The following SLC28A2 variants were observed in gnomAD, a reference collection of about 807,000 sequenced individuals.
SLC28A2 encodes the protein solute carrier family 28 member 2.
In SLC28A2, 69 loss-of-function variants were observed where a neutral mutation model predicts 72.9. The ratio of observed to expected loss-of-function variants is 0.95; its 90% CI spans 0.78 to 1.16. SLC28A2 has a LOEUF of 1.16. SLC28A2 is among the 50% of genes most tolerant of loss of function. SLC28A2 has a pLI of 0.00. For missense variants in SLC28A2, 745 were observed against 791.1 expected, an observed-to-expected ratio of 0.94 and a Z score of 0.70; for synonymous variants, 296 against 294.1, an observed-to-expected ratio of 1.01 and a Z score of -0.07.
Position 45,270,369 on chromosome 15 carries a change from C to A in SLC28A2, c.1648+93C>A, listed in dbSNP as rs989004082. On this transcript the variant is annotated intron_variant, in intron 15 of 17. Transcript: ENST00000347644. ...CTGGTGCTTCAGTACAAGCTGGGAT[C>A]AGATAGAGAAGCCATTGTGAAATGG... The A allele has an allele frequency of 6.8e-6, 6 of 880,854 alleles. No individual in the cohort carries two copies. The African/African-American group carries it at 8.3e-5, about 12-fold the overall frequency. The allele number at this position is 880,854 out of a possible 1,614,324, so 54.6% of individuals were successfully genotyped here.
intron 16 of SLC28A2, 56 bp from the exon 17 acceptor site, chr15:45,272,617 G>A (rs1377078617): frequency 4.8e-6 from 5 of 1,043,200 alleles, no homozygotes; most frequent in African/African-American, 4.7e-5. Context: ...AGAATAAAGA[G>A]CCTTGAGAAG....
Position 45,276,242 on chromosome 15 carries a change from A to C in SLC28A2, c.*729A>C, listed in dbSNP as rs914001497. ...AACTATCGCAAGGACAAAAAACCAA[A>C]CACCACATGTTCTCACTCATAGATG... On this transcript the variant is annotated 3_prime_UTR_variant, in exon 18 of 18. Transcript: ENST00000347644. 2.0e-5 allele frequency: 3 copies of C among 152,100 alleles called. No individual in the cohort carries two copies. The highest frequency in any genetic ancestry group is 4.4e-5 in the Non-Finnish European group (3 of 68,016). 9.4% of individuals were successfully genotyped at this position (152,100 alleles called of 1,614,324 possible).
rs188897314 is a variant in SLC28A2 at position 45,264,678 on chromosome 15, G to C, written c.612G>C (p.Ser204=). The change falls in exon 7 of 18, where the codon TCG becomes TCC. Residue 204 remains serine (S), a synonymous_variant. Coordinates refer to ENST00000347644, the MANE Select transcript of SLC28A2 (RefSeq NM_004212.4). The stretch of plus-strand genomic sequence containing the variant: ...AGGTGTCCTGGAGGACAGTGTTTTC[G>C]GGCCTAGGTCTTCAATTTGTCTTTG... The part of the protein sequence containing the change: ...HSAVSWRTVF[S]GLGLQFVFGI... 5.0e-6 allele frequency: 8 copies of C among 1,612,516 alleles called. No homozygotes were observed. Among genetic ancestry groups the C allele is most frequent in the Middle Eastern group, 3.3e-4 (2 of 6,048 alleles).
In SLC28A2 at chr15:45,277,678, A is replaced by C. The variant is rs1900788203; in HGVS notation, c.*2165A>C. ...CTGGGGAAGGAGGGATTAGAGAGTG[A>C]CTCCTTAACGAGTTTGGGGTTTTCC... On this transcript the variant is annotated 3_prime_UTR_variant, in exon 18 of 18. Coordinates refer to ENST00000347644, the MANE Select transcript of SLC28A2 (RefSeq NM_004212.4). 1 of 64,650 alleles carries C rather than the reference A, an allele frequency of 1.5e-5. No individual in the cohort carries two copies. The highest frequency in any genetic ancestry group is 5.0e-5 in the African/African-American group (1 of 20,058). The allele number at this position is 64,650 out of a possible 1,614,324, so 4.0% of individuals were successfully genotyped here. A position where few individuals can be genotyped will look rare whatever the true frequency, so the allele number is the denominator to read the frequency against.
At chr15:45,275,215 C>G (rs906288662) in intron 17 of SLC28A2, among the ~76,000 whole-genome samples, 181 bp from the exon 18 acceptor site, 1 of 152,108 alleles carries the variant, frequency 6.6e-6, no homozygotes, top group Non-Finnish European at 1.5e-5. Flanking sequence ...TGGTTTCTTG[C>G]TAGTATTATC....
rs1900471342 is a variant in SLC28A2, at chr15:45,269,435, T to TC, written c.1467dup (p.Ile490HisfsTer3). On this transcript the variant is annotated frameshift_variant, in exon 14 of 18. Coordinates refer to ENST00000347644, the MANE Select transcript of SLC28A2 (RefSeq NM_004212.4). LOFTEE classifies it high-confidence loss of function. ...GCTGAGATGGTGGGAATCAAGTTCT[T>TC]CATAAATGAGTTTGTGGCTTATCAG... is the stretch of plus-strand genomic sequence containing the variant. 6.2e-7 allele frequency: 1 copy of TC among 1,613,996 alleles called. No homozygotes were observed. Among genetic ancestry groups the TC allele is most frequent in the African/African-American group, 1.3e-5 (1 of 74,914 alleles).
chr15:45,273,051 G>C (rs369855197), intron 17 of SLC28A2, among the ~76,000 whole-genome samples: 9 of 152,188 alleles, frequency 5.9e-5, no homozygotes, highest in African/African-American at 2.2e-4. Flanking sequence ...CTACTGGCTG[G>C]GCACGGTGGC....
chr15:45,274,355 A>G (rs755509868), intron 17 of SLC28A2, among the ~76,000 whole-genome samples: 36 of 151,950 alleles, frequency 2.4e-4, no homozygotes, highest in Admixed American at 1.0e-3. Context: ...ACAAAACAAA[A>G]CAAAACTAGC....
chr15:45,257,180 T>A (rs1228269694), intron 3 of SLC28A2, among the ~76,000 whole-genome samples: 6 of 152,182 alleles, frequency 3.9e-5, no homozygotes, highest in Admixed American at 3.9e-4. Flanking sequence ...ATACAACACA[T>A]ATTTTAAGGC....
chr15:45,267,204 A>G (rs1389816697), intron 10 of SLC28A2, among the ~76,000 whole-genome samples: 1 of 152,232 alleles, frequency 6.6e-6, no homozygotes, highest in Non-Finnish European at 1.5e-5. Context: ...AATAGATGAA[A>G]CAAGCATGTA....
rs760393288 is a variant in SLC28A2, at chr15:45,263,200, T to C, written c.402T>C (p.Cys134=). The C allele has an allele frequency of 6.2e-7, 1 of 1,614,034 alleles. No homozygotes were observed. The highest frequency in any genetic ancestry group is 8.5e-7 in the Non-Finnish European group (1 of 1,179,958). The change falls in exon 5 of 18, where the codon TGT becomes TGC. Residue 134 remains cysteine (C), a synonymous_variant. Transcript: ENST00000347644. Reference sequence around the variant, plus strand: ...TCCTGGGCAAAAAATTAACAAGATGTCTGAAGCCCTTTGAAAACTCCCGCC... The same window carrying C: ...TCCTGGGCAAAAAATTAACAAGATGCCTGAAGCCCTTTGAAAACTCCCGCC... ...KKLLGKKLTR[C]LKPFENSRLR... is the part of the protein sequence containing the mutation.
Position 45,265,080 on chromosome 15 carries a change from T to G in SLC28A2, c.703-9T>G. On this transcript the variant is annotated splice_polypyrimidine_tract_variant and intron_variant, in intron 7 of 17. Coordinates refer to ENST00000347644, the MANE Select transcript of SLC28A2 (RefSeq NM_004212.4). ...CTTATTCTCTGTCTTTTTCTTTTTT[T>G]CCCTTCAGATTTTCCTGAACTACAC... is the stretch of plus-strand genomic sequence containing the variant. The G allele has an allele frequency of 6.2e-7, 1 of 1,602,864 alleles. No individual in the cohort carries two copies. Among genetic ancestry groups the G allele is most frequent in the Non-Finnish European group, 8.5e-7 (1 of 1,170,036 alleles).
At position 45,263,090 on chromosome 15, in the gene SLC28A2, A is replaced by T. The variant is rs1346303020; in HGVS notation, c.292A>T (p.Ile98Phe). ...AYAAYLLAAC[I>F]LNFQRALALF... is the part of the protein sequence containing the mutation. ...TGCTGCCTATCTCCTGGCAGCTTGC[A>T]TCTTGAATTTCCAGAGGGCACTGGC... The change falls in exon 5 of 18, where the codon ATC becomes TTC. Residue 98 changes from isoleucine to phenylalanine, a missense_variant. Physicochemically the swap from Ile to Phe is conservative, Grantham distance 21. Coordinates refer to ENST00000347644, the MANE Select transcript of SLC28A2 (RefSeq NM_004212.4). 6.2e-7 allele frequency: 1 copy of T among 1,613,862 alleles called. No individual in the cohort carries two copies. The highest frequency in any genetic ancestry group is 1.7e-5 in the Admixed American group (1 of 59,990).
At position 45,277,395 on chromosome 15, in the gene SLC28A2, G is replaced by A. The variant is rs1427697361; in HGVS notation, c.*1882G>A. Reference sequence around the variant, plus strand: ...TACATGTACATGCATGTTCACAGTAGCACTATTCAAAATAGCCAAAAATTG... The same window carrying A: ...TACATGTACATGCATGTTCACAGTAACACTATTCAAAATAGCCAAAAATTG... On this transcript the variant is annotated 3_prime_UTR_variant, in exon 18 of 18. Transcript: ENST00000347644. 1 of 151,670 alleles carries A rather than the reference G, an allele frequency of 6.6e-6. No individual in the cohort carries two copies. Among genetic ancestry groups the A allele is most frequent in the Admixed American group, 6.6e-5 (1 of 15,210 alleles). 9.4% of individuals were successfully genotyped at this position (151,670 alleles called of 1,614,324 possible).
intron 3 of SLC28A2, among the ~76,000 whole-genome samples, chr15:45,260,570 A>C (rs760703628): frequency 9.2e-5 from 14 of 152,144 alleles, no homozygotes; most frequent in Non-Finnish European, 8.8e-5. Context: ...CAGCCTGGGG[A>C]ACATAGCAAG....
chr15:45,272,749 T>G lies in SLC28A2; in HGVS notation c.1824T>G (p.Tyr608Ter), dbSNP rs745942775. ...ACACAAGTTTCACCAATAGAACCTA[T>G]GAGACCTACATGTGCTGCAGAGGGC... The part of the protein sequence containing the change: ...FPNTSFTNRT[Y>*]ETYMCCRGLF... Residue 608 changes from tyrosine to a stop codon, truncating the protein, a stop_gained, in exon 17 of 18, where the codon TAT becomes TAG. Transcript: ENST00000347644. LOFTEE classifies it high-confidence loss of function. 1.9e-6 allele frequency: 3 copies of G among 1,611,838 alleles called. No individual in the cohort carries two copies. Among genetic ancestry groups the G allele is most frequent in the African/African-American group, 2.7e-5 (2 of 74,864 alleles).
chr15:45,262,820 G>C (rs549063732), intron 4 of SLC28A2, among the ~76,000 whole-genome samples: 1 of 152,206 alleles, frequency 6.6e-6, no homozygotes, highest in East Asian at 1.9e-4. Context: ...TTTCATTAGG[G>C]ACCAGTGAAA....
intron 7 of SLC28A2, 47 bp downstream of exon 7, chr15:45,264,815 G>C (rs754366907): frequency 2.7e-5 from 32 of 1,177,198 alleles, no homozygotes; most frequent in Non-Finnish European, 3.7e-5. Context: ...GAACCCTAGA[G>C]AAAGGAGATT....
intron 10 of SLC28A2, among the ~76,000 whole-genome samples, chr15:45,267,248 T>C (rs184423932): frequency 4.6e-5 from 7 of 152,228 alleles, no homozygotes; most frequent in Middle Eastern, 3.4e-3. Flanking sequence ...AGCCAGGACA[T>C]GATTGGGTGC....
Sources: gnomAD v4.1 joint callset for allele counts (sites outside exome capture counted in the v4.1 genomes callset) on GRCh38, gnomAD v4.1.1 for gene constraint, MANE v1.5 for transcripts, NCBI Gene and HGNC (gene_info 2026-07-23, HGNC 2026-07-21) for gene names.